The following PRKACA variants were observed in gnomAD, a reference collection of about 807,000 sequenced individuals.
The protein encoded by PRKACA is cAMP-dependent protein kinase catalytic subunit alpha.
In PRKACA, 9 loss-of-function variants were observed where a neutral mutation model predicts 45.8. That is an observed-to-expected ratio of 0.20 (90% confidence interval 0.12 to 0.34). The LOEUF is 0.34. Among genes scored for constraint, PRKACA ranks in the 10% least tolerant of loss-of-function variants. The probability of loss-of-function intolerance (pLI) is 1.00; values close to 1 mark genes in which losing one functional copy is unlikely to be tolerated. For synonymous variants in PRKACA, 160 were observed against 178.6 expected, an observed-to-expected ratio of 0.90 and a Z score of 0.83; for missense variants, 238 against 458.6, an observed-to-expected ratio of 0.52 and a Z score of 4.39.
intron 1 of PRKACA, among the ~76,000 whole-genome samples, chr19:14,116,838 A>T (rs1286305792): frequency 6.6e-6 from 1 of 151,940 alleles, no homozygotes; most frequent in African/African-American, 2.4e-5. Flanking sequence ...AGAATGACAG[A>T]GTGACAGGAT....
intron 2 of PRKACA, 36 bp from the exon 3 acceptor site, chr19:14,106,924 C>T (rs963156412): frequency 1.2e-6 from 2 of 1,611,700 alleles, no homozygotes; most frequent in Non-Finnish European, 1.7e-6. Flanking sequence ...CAGGGCACGC[C>T]CTCCCCGCGG....
At position 14,107,744 on chromosome 19, in the gene PRKACA, G is replaced by A. The variant is rs150735079; in HGVS notation, c.47-335C>T. On this transcript the variant is annotated intron_variant, in intron 1 of 9. Transcript: ENST00000308677. Reference sequence around the variant, plus strand: ...CATGGCCAGGGCCGACGCCAGCCGAGGTATTTATAGCCTTGGGATTTGGCT... The same window carrying A: ...CATGGCCAGGGCCGACGCCAGCCGAAGTATTTATAGCCTTGGGATTTGGCT... 725 of 1,079,256 alleles carry A rather than the reference G, an allele frequency of 6.7e-4. 7 individuals carry two copies. The African/African-American group carries it at 0.011, about 17-fold the overall frequency. The allele number at this position is 1,079,256 out of a possible 1,614,324, so 66.9% of individuals were successfully genotyped here. A position where few individuals can be genotyped will look rare whatever the true frequency, so the allele number is the denominator to read the frequency against.
intron 3 of PRKACA, among the ~76,000 whole-genome samples, chr19:14,106,493 A>G (rs1051635740): frequency 1.3e-5 from 2 of 152,160 alleles, no homozygotes; most frequent in Non-Finnish European, 2.9e-5. Flanking sequence ...ATCTCTACTA[A>G]AAATACAAAA....
In PRKACA at chr19:14,092,432, A is replaced by T. The variant is rs1370134264; in HGVS notation, c.*680T>A. 2.6e-6 allele frequency: 1 copy of T among 388,834 alleles called. No homozygotes were observed. The highest frequency in any genetic ancestry group is 2.1e-5 in the African/African-American group (1 of 48,254). 24.1% of individuals were successfully genotyped at this position (388,834 alleles called of 1,614,324 possible). ...GGGAGATTAGCAGCGGGGAGGTTCA[A>T]ACCCCAGCGCCTCCCTTTCCAAAGT... On this transcript the variant is annotated 3_prime_UTR_variant, in exon 10 of 10. Coordinates refer to ENST00000308677, the MANE Select transcript of PRKACA (RefSeq NM_002730.4).
At chr19:14,117,246 T>G (rs1967127097) in intron 1 of PRKACA, among the ~76,000 whole-genome samples, 1 of 150,776 alleles carries the variant, frequency 6.6e-6, no homozygotes, top group East Asian at 2.0e-4. Context: ...CCAGCGGTCA[T>G]ACGTGCCATG....
intron 5 of PRKACA, among the ~76,000 whole-genome samples, chr19:14,099,268 G>A (rs1568531314): frequency 6.6e-6 from 1 of 152,088 alleles, no homozygotes; most frequent in Non-Finnish European, 1.5e-5. Flanking sequence ...CTCCAGCCTG[G>A]GTGACAAGAG....
At chr19:14,113,856 G>A (rs1270185129) in intron 1 of PRKACA, among the ~76,000 whole-genome samples, 1 of 152,108 alleles carries the variant, frequency 6.6e-6, no homozygotes, top group African/African-American at 2.4e-5. Context: ...TACAGTCTGA[G>A]CTGAACCCCA....
intron 1 of PRKACA, among the ~76,000 whole-genome samples, chr19:14,110,496 C>T (rs1190658510): frequency 2.0e-5 from 3 of 151,568 alleles, no homozygotes; most frequent in Non-Finnish European, 4.4e-5. Flanking sequence ...TGTTCAAGCC[C>T]GGGACATAGA....
chr19:14,093,148 G>A lies in PRKACA; in HGVS notation c.1020C>T (p.Ile340=). ...DYEEEEIRVS[I]NEKCGKEFSE... ...AAAACTCCTTGCCACACTTCTCATT[G>A]ATGGAGACCCGGATTTCTTCTTCCT... is the stretch of plus-strand genomic sequence containing the variant. Residue 340 remains isoleucine, a synonymous_variant, in exon 10 of 10, where the codon ATC becomes ATT. Transcript: ENST00000308677. 2.5e-6 allele frequency: 4 copies of A among 1,611,340 alleles called. No homozygotes were observed. Among genetic ancestry groups the A allele is most frequent in the Non-Finnish European group, 3.4e-6 (4 of 1,179,420 alleles).
intron 3 of PRKACA, among the ~76,000 whole-genome samples, chr19:14,105,642 T>C (rs1977580239): frequency 6.6e-6 from 1 of 152,172 alleles, no homozygotes; most frequent in Non-Finnish European, 1.5e-5. Context: ...GGTCTGGCTG[T>C]GTTGTCGAGG....
chr19:14,110,477 T>G, intron 1 of PRKACA, among the ~76,000 whole-genome samples: 1 of 150,360 alleles, frequency 6.7e-6, no homozygotes, highest in Non-Finnish European at 1.5e-5. Context: ...GAGGCAGAGG[T>G]GGGAGGATTG....
At chr19:14,095,158 A>ATTTTTTTTTTTTTTTTTTTTTTTT (rs1389293318) in intron 8 of PRKACA, among the ~76,000 whole-genome samples, 1 of 146,154 alleles carries the variant, frequency 6.8e-6, no homozygotes. Context: ...ACTCTGGGAC[A>ATTTTTTTTTTTTTTTTTTTTTTTT]TTTTTTTTTC....
intron 1 of PRKACA, among the ~76,000 whole-genome samples, chr19:14,108,938 G>C (rs2144483403): frequency 1.3e-5 from 2 of 150,254 alleles, no homozygotes; most frequent in South Asian, 4.2e-4. Context: ...ATGTTGGCTA[G>C]GCTGGTCTCG....
chr19:14,102,503 G>T (rs62122127), intron 4 of PRKACA, among the ~76,000 whole-genome samples: 1 of 152,164 alleles, frequency 6.6e-6, no homozygotes, highest in Non-Finnish European at 1.5e-5. Flanking sequence ...AATGAACCCC[G>T]GCTGCCTGGG....
In PRKACA at chr19:14,097,968, C is replaced by A; in HGVS notation, c.420-78G>T. On this transcript the variant is annotated intron_variant, in intron 5 of 9. Coordinates refer to ENST00000308677, the MANE Select transcript of PRKACA (RefSeq NM_002730.4). This position sits in a 1 kb window ranked among gnomAD's most constrained non-coding sequence, Gnocchi z 5.4. ...CCAGCAGGTGGCCCTGCAGAGCCTACCCCAGAGGAAGACACCTCCAGTCCA... is the reference window on the plus strand; with the variant it reads ...CCAGCAGGTGGCCCTGCAGAGCCTAACCCAGAGGAAGACACCTCCAGTCCA... The A allele has an allele frequency of 6.4e-7, 1 of 1,568,420 alleles. No homozygotes were observed. The highest frequency in any genetic ancestry group is 8.7e-7 in the Non-Finnish European group (1 of 1,149,210).
At position 14,092,495 on chromosome 19, in the gene PRKACA, G is replaced by A; in HGVS notation, c.*617C>T. 2.5e-6 allele frequency: 1 copy of A among 397,436 alleles called. No homozygotes were observed. The highest frequency in any genetic ancestry group is 4.4e-5 in the Admixed American group (1 of 22,686). The allele number at this position is 397,436 out of a possible 1,614,324, so 24.6% of individuals were successfully genotyped here. Reference sequence around the variant, plus strand: ...CTTTAAAATGGATTTGAGGAATGGGGGGACATGGGAGGGGTGGGAGTAGAG... The same window carrying A: ...CTTTAAAATGGATTTGAGGAATGGGAGGACATGGGAGGGGTGGGAGTAGAG... On this transcript the variant is annotated 3_prime_UTR_variant, in exon 10 of 10. Transcript: ENST00000308677.
rs1031775167 is a variant in PRKACA, at chr19:14,092,488, G to A, written c.*624C>T. On this transcript the variant is annotated 3_prime_UTR_variant, in exon 10 of 10. Transcript: ENST00000308677. ...TGCTTCTCTTTAAAATGGATTTGAG[G>A]AATGGGGGGACATGGGAGGGGTGGG... is the stretch of plus-strand genomic sequence containing the variant. 8 of 396,542 alleles carry A rather than the reference G, an allele frequency of 2.0e-5. No individual in the cohort carries two copies. Among genetic ancestry groups the A allele is most frequent in the African/African-American group, 4.1e-5 (2 of 48,454 alleles). The allele number at this position is 396,542 out of a possible 1,614,324, so 24.6% of individuals were successfully genotyped here. A position where few individuals can be genotyped will look rare whatever the true frequency, so the allele number is the denominator to read the frequency against.
In PRKACA at chr19:14,097,093, C is replaced by T. The variant is rs964682386; in HGVS notation, c.765+268G>A. 1.0e-5 allele frequency: 5 copies of T among 483,946 alleles called. No individual in the cohort carries two copies. The highest frequency in any genetic ancestry group is 4.1e-5 in the South Asian group (2 of 48,682). The allele number at this position is 483,946 out of a possible 1,614,324, so 30.0% of individuals were successfully genotyped here. A position where few individuals can be genotyped will look rare whatever the true frequency, so the allele number is the denominator to read the frequency against. On this transcript the variant is annotated intron_variant, in intron 8 of 9. Coordinates refer to ENST00000308677, the MANE Select transcript of PRKACA (RefSeq NM_002730.4). The surrounding 1 kb of genome is among the most constrained non-coding windows in gnomAD (Gnocchi z 5.4). ...CGAAAAGGAGGGTCGTCTGGCAGGG[C>T]GGTTTGTGTTCTGTGGCCAAGATGT...
rs530647726 is a variant in PRKACA, at chr19:14,097,318, G to A, written c.765+43C>T. ...GGAATAGGATGGGTGAGCAGGGAACGGTCTGTTTCTTCCAGGGCTGTGTCC... is the reference window on the plus strand; with the variant it reads ...GGAATAGGATGGGTGAGCAGGGAACAGTCTGTTTCTTCCAGGGCTGTGTCC... On this transcript the variant is annotated intron_variant, in intron 8 of 9. Transcript: ENST00000308677. This position sits in a 1 kb window ranked among gnomAD's most constrained non-coding sequence, Gnocchi z 5.4. 1.1e-5 allele frequency: 17 copies of A among 1,613,062 alleles called. No homozygotes were observed. The highest frequency in any genetic ancestry group is 5.5e-5 in the South Asian group (5 of 91,026).
Sources: allele counts gnomAD v4.1 joint callset (sites outside exome capture counted in the v4.1 genomes callset), GRCh38; gene constraint gnomAD v4.1.1; non-coding constraint Gnocchi (gnomAD v3.1); transcripts MANE v1.5; gene names NCBI Gene and HGNC (gene_info 2026-07-23, HGNC 2026-07-21).